The following SRGAP3 variants were observed in gnomAD, a reference collection of about 807,000 sequenced individuals.
SRGAP3 encodes the protein SLIT-ROBO Rho GTPase-activating protein 3.
In SRGAP3, 39 loss-of-function variants were observed where a neutral mutation model predicts 121.1. The observed-to-expected ratio is 0.32, with a 90% CI of 0.25 to 0.42. The LOEUF is 0.42. Ranked by LOEUF, SRGAP3 falls within the 10% of genes least tolerant of loss-of-function variation. SRGAP3 has a pLI of 1.00. For missense variants in SRGAP3, 1,213 were observed against 1,470.6 expected (o/e 0.82, Z 2.86); for synonymous variants, 601 against 570.0 (o/e 1.05, Z -0.77).
At chr3:9,095,238 T>C (rs181027974) in intron 3 of SRGAP3, among the ~76,000 whole-genome samples, 17 of 152,182 alleles carry the variant, frequency 1.1e-4, no homozygotes, top group Admixed American at 7.2e-4. Context: ...GTCTTGGCCA[T>C]ATTTTCTATT....
At chr3:9,064,248 C>T (rs1440667162) in intron 5 of SRGAP3, 148 bp downstream of exon 5, 5 of 1,049,450 alleles carry the variant, frequency 4.8e-6, no homozygotes, top group Non-Finnish European at 6.9e-6. Flanking sequence ...AGAGGAGATG[C>T]TGGCTACATT....
intron 3 of SRGAP3, among the ~76,000 whole-genome samples, chr3:9,288,130 G>GTTTTTTTTTTTTTTTTTTTTT (rs57076828): frequency 1.7e-5 from 2 of 119,100 alleles, no homozygotes; most frequent in African/African-American, 6.3e-5. Context: ...TTCTATCTTT[G>GTTTTTTTTTTTTTTTTTTTTT]TTTTTTTTTT....
At chr3:9,011,953 A>T (rs1943400590) in intron 17 of SRGAP3, among the ~76,000 whole-genome samples, 1 of 152,240 alleles carries the variant, frequency 6.6e-6, no homozygotes, top group Non-Finnish European at 1.5e-5. Context: ...TTCCCAGAAC[A>T]CTAATTACAT....
intron 5 of SRGAP3, among the ~76,000 whole-genome samples, chr3:9,060,995 G>A (rs957144591): frequency 3.3e-5 from 5 of 152,196 alleles, no homozygotes; most frequent in African/African-American, 1.2e-4. Context: ...ACTTTGGGAG[G>A]CTGAGGCAGG....
intron 13 of SRGAP3, 27 bp downstream of exon 13, chr3:9,026,908 A>G: frequency 1.2e-6 from 2 of 1,613,916 alleles, no homozygotes; most frequent in Non-Finnish European, 1.7e-6. Context: ...CAGATTGCTG[A>G]AAACACTGGC....
chr3:8,984,386 C>T lies in SRGAP3; in HGVS notation c.*1133G>A, dbSNP rs531774168. On this transcript the variant is annotated 3_prime_UTR_variant, in exon 22 of 22. Transcript: ENST00000383836. ...ATGAAAACGATGTGACTCAAAGCCT[C>T]CTTGCCTGTTTAGTTCCAAATCTGA... 3 of 231,196 alleles carry T rather than the reference C, an allele frequency of 1.3e-5. No individual in the cohort carries two copies. Among genetic ancestry groups the T allele is most frequent in the South Asian group, 1.8e-4 (1 of 5,504 alleles). The allele number at this position is 231,196 out of a possible 1,614,324, so 14.3% of individuals were successfully genotyped here.
At chr3:8,991,305 C>T (rs148497364) in intron 20 of SRGAP3, among the ~76,000 whole-genome samples, 1 of 152,154 alleles carries the variant, frequency 6.6e-6, no homozygotes, top group Non-Finnish European at 1.5e-5. Context: ...CAGTTGGGGT[C>T]CCCTGGGAAC....
At chr3:9,289,717 TG>T (rs1954840870) in intron 3 of SRGAP3, among the ~76,000 whole-genome samples, 1 of 152,194 alleles carries the variant, frequency 6.6e-6, no homozygotes, top group Non-Finnish European at 1.5e-5. Context: ...CATAACTTTA[TG>T]GGAGGGGTCC....
At chr3:9,186,702 C>G (rs192833831) in intron 1 of SRGAP3, among the ~76,000 whole-genome samples, 28 of 152,274 alleles carry the variant, frequency 1.8e-4, no homozygotes, top group East Asian at 1.5e-3. Context: ...CCATGTACGA[C>G]TGACCCCAGG....
intron 1 of SRGAP3, chr3:9,348,894 G>GTGAGAGTCTGAAGGACAC: frequency 9.2e-7 from 1 of 1,085,860 alleles, no homozygotes; most frequent in Non-Finnish European, 1.4e-6. Context: ...CTACCCTCCT[G>GTGAGAGTCTGAAGGACAC]TGAGAGTCTG....
intron 2 of SRGAP3, among the ~76,000 whole-genome samples, chr3:9,329,386 C>T (rs1955568154): frequency 6.6e-6 from 1 of 152,022 alleles, no homozygotes; most frequent in South Asian, 2.1e-4. Context: ...CAAGCTGCAT[C>T]ATAAAGGAAA....
chr3:9,043,487 G>A (rs1366179749), intron 10 of SRGAP3, among the ~76,000 whole-genome samples: 1 of 152,046 alleles, frequency 6.6e-6, no homozygotes, highest in African/African-American at 2.4e-5. Context: ...GAAATCAAAG[G>A]TTTTAGGATG....
At chr3:9,117,905 G>A (rs1948860157) in intron 2 of SRGAP3, among the ~76,000 whole-genome samples, 1 of 152,092 alleles carries the variant, frequency 6.6e-6, no homozygotes, top group African/African-American at 2.4e-5. Flanking sequence ...AATTGCTTGA[G>A]TCCAGAAGTT....
At chr3:9,302,392 C>T (rs1478970983) in intron 3 of SRGAP3, among the ~76,000 whole-genome samples, 1 of 152,196 alleles carries the variant, frequency 6.6e-6, no homozygotes, top group Non-Finnish European at 1.5e-5. Context: ...GATAGTGGAG[C>T]TTTGCGACAG....
At chr3:9,096,057 G>A (rs1025741980) in intron 3 of SRGAP3, among the ~76,000 whole-genome samples, 2 of 152,120 alleles carry the variant, frequency 1.3e-5, no homozygotes, top group Non-Finnish European at 2.9e-5. Flanking sequence ...GGGCAACAGA[G>A]TGAAACCCAT....
intron 1 of SRGAP3, among the ~76,000 whole-genome samples, chr3:9,354,658 G>A (rs887608071): frequency 1.3e-5 from 2 of 149,348 alleles, no homozygotes; most frequent in African/African-American, 5.0e-5. Context: ...CTCCAGCCGG[G>A]GTGACAGAGC....
Position 9,294,649 on chromosome 3 carries a change from A to G in SRGAP3, n.442+31361T>C, listed in dbSNP as rs1437292190. Among the ~76,000 whole-genome samples, 3 of 150,342 alleles carry G rather than the reference A, an allele frequency of 2.0e-5. No homozygotes were observed. In the East Asian group the frequency reaches 5.8e-4, roughly 29 times the overall value. ...ACATTTTATTCTAAATTCCCTTAGC[A>G]ATATGAACTCACTGCATGTTGCATT... On this transcript the variant is annotated intron_variant and non_coding_transcript_variant, in intron 3 of 3. Coordinates refer to the SRGAP3 transcript ENST00000490889.
chr3:9,040,093 T>C (rs1206218610), intron 10 of SRGAP3, among the ~76,000 whole-genome samples: 1 of 152,238 alleles, frequency 6.6e-6, no homozygotes, highest in African/African-American at 2.4e-5. Context: ...CACTTAACAC[T>C]ATCTTCTTAG....
intron 10 of SRGAP3, among the ~76,000 whole-genome samples, chr3:9,045,866 G>A (rs959669750): frequency 6.6e-6 from 1 of 152,102 alleles, no homozygotes; most frequent in Non-Finnish European, 1.5e-5. Flanking sequence ...CCCCTGCCCT[G>A]TGCCTATAAA....
Sources: gnomAD v4.1 joint callset for allele counts (sites outside exome capture counted in the v4.1 genomes callset) on GRCh38, gnomAD v4.1.1 for gene constraint, MANE v1.5 for transcripts, NCBI Gene and HGNC (gene_info 2026-07-23, HGNC 2026-07-21) for gene names.